The following ABI3BP variants were observed in gnomAD, a reference collection of about 807,000 sequenced individuals.
The protein encoded by ABI3BP is target of Nesh-SH3.
In ABI3BP, 216 loss-of-function variants were observed where a neutral mutation model predicts 268.6. The ratio of observed to expected loss-of-function variants is 0.80; its 90% CI spans 0.72 to 0.90. The LOEUF is 0.90. Ranked by LOEUF, ABI3BP falls within the 40% of genes least tolerant of loss-of-function variation. The probability of loss-of-function intolerance (pLI) is 0.00; values close to 1 mark genes in which losing one functional copy is unlikely to be tolerated. For synonymous variants in ABI3BP, 730 were observed against 730.0 expected (o/e 1.00, Z 0.00); for missense variants, 2,090 against 2,182.4 (o/e 0.96, Z 0.84).
At chr3:100,890,984 C>CT (rs35008478) in intron 4 of ABI3BP, among the ~76,000 whole-genome samples, 85,317 of 143,660 alleles carry the variant, frequency 0.59, 26,396 homozygotes, top group Non-Finnish European at 0.7. Flanking sequence ...AACTGGTCAA[C>CT]TTTTTTTTTT....
chr3:100,889,624 G>C (rs957460291), intron 4 of ABI3BP, among the ~76,000 whole-genome samples: 1 of 152,232 alleles, frequency 6.6e-6, no homozygotes, highest in Admixed American at 6.5e-5. Context: ...AATGTCATCA[G>C]ACTAGACTTC....
intron 34 of ABI3BP, 72 bp downstream of exon 34, chr3:100,828,321 G>T: frequency 1.5e-6 from 2 of 1,355,464 alleles, no homozygotes; most frequent in South Asian, 1.3e-5. Context: ...GTAATTGAAT[G>T]GCAATATACA....
chr3:100,952,713 C>T (rs185796027), intron 1 of ABI3BP: 3 of 152,016 alleles, frequency 2.0e-5, no homozygotes, highest in Non-Finnish European at 2.9e-5. Context: ...CACACAAATT[C>T]GTGAAGTGTT....
intron 48 of ABI3BP, 141 bp downstream of exon 48, chr3:100,811,089 A>C: frequency 1.6e-6 from 1 of 639,010 alleles, no homozygotes. Context: ...TATGGATAGG[A>C]GCACCTTGAA....
At chr3:100,965,913 A>G (rs2081110113) in intron 1 of ABI3BP, among the ~76,000 whole-genome samples, 3 of 152,312 alleles carry the variant, frequency 2.0e-5, no homozygotes, top group Admixed American at 2.0e-4. Context: ...TTGATCCAAT[A>G]ATGATCTTTC....
intron 20 of ABI3BP, among the ~76,000 whole-genome samples, chr3:100,843,341 A>C (rs1381033465): frequency 6.6e-6 from 1 of 152,110 alleles, no homozygotes; most frequent in African/African-American, 2.4e-5. Flanking sequence ...GTAACAGATG[A>C]ACGGCAAAAG....
At chr3:100,910,090 T>C (rs995566280) in intron 2 of ABI3BP, among the ~76,000 whole-genome samples, 14 of 152,086 alleles carry the variant, frequency 9.2e-5, no homozygotes, top group African/African-American at 3.4e-4. Context: ...TAAAAAAGGA[T>C]GAGTTCATGT....
At chr3:100,912,642 A>T (rs1484653758) in intron 2 of ABI3BP, among the ~76,000 whole-genome samples, 6 of 152,220 alleles carry the variant, frequency 3.9e-5, no homozygotes, top group African/African-American at 1.4e-4. Context: ...ATTTAGCTAT[A>T]TTCAGACCTG....
chr3:100,785,192 G>C (rs575579974), intron 57 of ABI3BP, among the ~76,000 whole-genome samples: 1 of 152,128 alleles, frequency 6.6e-6, no homozygotes, highest in East Asian at 1.9e-4. Flanking sequence ...AATGTGAGAT[G>C]GATAATAAAG....
chr3:100,809,873 T>A (rs971229157), intron 49 of ABI3BP, among the ~76,000 whole-genome samples: 5 of 152,078 alleles, frequency 3.3e-5, no homozygotes, highest in African/African-American at 9.7e-5. Flanking sequence ...CCAAAATAAT[T>A]GTTTTGATTT....
chr3:100,986,593 A>G (rs925279603), intron 1 of ABI3BP, among the ~76,000 whole-genome samples: 1 of 151,990 alleles, frequency 6.6e-6, no homozygotes, highest in Non-Finnish European at 1.5e-5. Context: ...TAACCTTCTG[A>G]GTAGCTGGGA....
At chr3:100,924,554 T>C (rs1162081821) in intron 2 of ABI3BP, among the ~76,000 whole-genome samples, 1 of 152,166 alleles carries the variant, frequency 6.6e-6, no homozygotes, top group Non-Finnish European at 1.5e-5. Flanking sequence ...CAGTGATATA[T>C]ATTCAAGCTG....
intron 4 of ABI3BP, among the ~76,000 whole-genome samples, chr3:100,890,364 A>C (rs983650922): frequency 6.6e-6 from 1 of 151,992 alleles, no homozygotes; most frequent in East Asian, 1.9e-4. Context: ...CCCTTCCTCT[A>C]AAGGGTCTCT....
At chr3:100,881,336 C>T (rs560356820) in intron 6 of ABI3BP, among the ~76,000 whole-genome samples, 113 of 152,146 alleles carry the variant, frequency 7.4e-4, no homozygotes, top group African/African-American at 2.7e-3. Flanking sequence ...ACAAGTGGTA[C>T]CACTTCTCTT....
chr3:100,869,329 G>GTTTT (rs1581238556), intron 9 of ABI3BP, among the ~76,000 whole-genome samples: 1 of 50,156 alleles, frequency 2.0e-5, no homozygotes, highest in African/African-American at 8.5e-5. Context: ...TCTTCTTTTT[G>GTTTT]GTTTTTTTTT....
In ABI3BP at chr3:100,991,775, G is replaced by GT. The variant is rs199800408; in HGVS notation, c.79+1530dup. Among the ~76,000 whole-genome samples, 311 of 150,972 alleles carry GT rather than the reference G, an allele frequency of 2.1e-3. 1 individual carries two copies. The highest frequency in any genetic ancestry group is 6.8e-3 in the African/African-American group (278 of 41,132). ...TTTTGTGGCCATTTTCGACAACTAT[G>GT]TTTTTTTTTCTTTCCCATTATAAAT... On this transcript the variant is annotated intron_variant, in intron 1 of 67. Coordinates refer to ENST00000471714, the MANE Select transcript of ABI3BP (RefSeq NM_001375547.2).
intron 51 of ABI3BP, among the ~76,000 whole-genome samples, chr3:100,797,001 G>GA (rs1281738070): frequency 6.6e-6 from 1 of 152,044 alleles, no homozygotes; most frequent in East Asian, 1.9e-4. Flanking sequence ...GAAGCAAAAG[G>GA]AATCAGCTAG....
chr3:100,947,817 T>C (rs2073192847), intron 1 of ABI3BP, among the ~76,000 whole-genome samples: 1 of 152,088 alleles, frequency 6.6e-6, no homozygotes, highest in South Asian at 2.1e-4. Context: ...TAAGGCACTT[T>C]ATTGGTAGCA....
intron 47 of ABI3BP, 120 bp downstream of exon 47, chr3:100,811,608 T>C: frequency 9.8e-7 from 1 of 1,018,946 alleles, no homozygotes; most frequent in South Asian, 1.6e-5. Flanking sequence ...TGTAGCTCCT[T>C]CAAATCTGTT....
Sources: allele counts gnomAD v4.1 joint callset (sites outside exome capture counted in the v4.1 genomes callset), GRCh38; gene constraint gnomAD v4.1.1; transcripts MANE v1.5; gene names NCBI Gene and HGNC (gene_info 2026-07-23, HGNC 2026-07-21).